Variants in CLUL1 observed in about 807,000 individuals in gnomAD.
The protein encoded by CLUL1 is clusterin-like protein 1.
In CLUL1, 43 loss-of-function variants were observed where a neutral mutation model predicts 49.4. The ratio of observed to expected loss-of-function variants is 0.87; its 90% CI spans 0.68 to 1.12. CLUL1 has a LOEUF of 1.12. Ranked by LOEUF, CLUL1 falls within the 50% of genes most tolerant of loss-of-function variation. The pLI is 0.00. For synonymous variants in CLUL1, 192 were observed against 184.9 expected (o/e 1.04, Z -0.31); for missense variants, 486 against 544.4 (o/e 0.89, Z 1.07).
chr18:608,839 T>A (rs2073053793), intron 2 of CLUL1, among the ~76,000 whole-genome samples: 1 of 152,232 alleles, frequency 6.6e-6, no homozygotes, highest in Non-Finnish European at 1.5e-5. Flanking sequence ...AGAGTTTTCA[T>A]AAGGCCTGTT....
At position 644,896 on chromosome 18, in the gene CLUL1, T is replaced by A. The variant is rs1382028378; in HGVS notation, c.1210-14T>A. On this transcript the variant is annotated splice_polypyrimidine_tract_variant and intron_variant, in intron 8 of 9. Coordinates refer to ENST00000692774, the MANE Select transcript of CLUL1 (RefSeq NM_001393344.1). ...GATTTAGTAAACTTCTACTGTATAA[T>A]CCTTCTTCTGTAGGTAGTTCCAAGG... is the stretch of plus-strand genomic sequence containing the variant. 1 of 1,593,332 alleles carries A rather than the reference T, an allele frequency of 6.3e-7. No individual in the cohort carries two copies. Among genetic ancestry groups the A allele is most frequent in the Admixed American group, 1.7e-5 (1 of 58,920 alleles).
Position 641,423 on chromosome 18 carries a change from C to T in CLUL1, c.1091C>T (p.Thr364Ile). ...CAGTATGGCCAGATTCTCCAGATGA[C>T]CCGGAAGCACTTGGAGGACACCGCC... ...NQQYGQILQMTRKHLEDTAYL... is the reference protein window; with the variant it reads ...NQQYGQILQMIRKHLEDTAYL... Residue 364 changes from threonine to isoleucine, a missense_variant, in exon 8 of 10, where the codon ACC (threonine) becomes ATC (isoleucine). Physicochemically the swap from Thr to Ile is moderately conservative, Grantham distance 89. Transcript: ENST00000692774. 2 of 1,614,148 alleles carry T rather than the reference C, an allele frequency of 1.2e-6. No homozygotes were observed. Among genetic ancestry groups the T allele is most frequent in the Non-Finnish European group, 1.7e-6 (2 of 1,180,006 alleles).
intron 1 of CLUL1, among the ~76,000 whole-genome samples, chr18:604,212 T>C (rs144823524): frequency 1.3e-5 from 2 of 152,366 alleles, no homozygotes; most frequent in African/African-American, 4.8e-5. Flanking sequence ...TTGAAGTTCA[T>C]CCAAGTTGTG....
intron 2 of CLUL1, among the ~76,000 whole-genome samples, chr18:617,614 A>AAG (rs1567960651): frequency 1.3e-5 from 2 of 151,254 alleles, no homozygotes; most frequent in Admixed American, 1.3e-4. Context: ...AAAAAAAAAA[A>AAG]AGAATTTTGG....
chr18:612,148 G>A (rs1230280900), intron 2 of CLUL1, among the ~76,000 whole-genome samples: 1 of 152,168 alleles, frequency 6.6e-6, no homozygotes, highest in Non-Finnish European at 1.5e-5. Context: ...CTTTCCCATA[G>A]TCCATTCTTC....
intron 1 of CLUL1, among the ~76,000 whole-genome samples, chr18:603,481 A>G (rs1055192817): frequency 6.6e-6 from 1 of 152,284 alleles, no homozygotes; most frequent in South Asian, 2.1e-4. Flanking sequence ...TTTTTGAAAT[A>G]ATGATAGATT....
Position 633,286 on chromosome 18 carries a change from T to G in CLUL1, c.857-12T>G. ...TTATGACACTAACGTGTAAATGTTA[T>G]GTTCCCTGTAGCTCCTGACCACGGA... On this transcript the variant is annotated splice_polypyrimidine_tract_variant and intron_variant, in intron 6 of 9. Coordinates refer to ENST00000692774, the MANE Select transcript of CLUL1 (RefSeq NM_001393344.1). 1 of 1,603,798 alleles carries G rather than the reference T, an allele frequency of 6.2e-7. No homozygotes were observed. The highest frequency in any genetic ancestry group is 8.5e-7 in the Non-Finnish European group (1 of 1,175,514).
chr18:643,130 A>G (rs2074387030), intron 8 of CLUL1, among the ~76,000 whole-genome samples: 1 of 152,036 alleles, frequency 6.6e-6, no homozygotes. Context: ...TAAAAACCAT[A>G]CAAAAAATAG....
At position 630,719 on chromosome 18, in the gene CLUL1, G is replaced by A. The variant is rs555245438; in HGVS notation, c.857-2579G>A. ...TTTTTTTTTTTTGAGACAGAGTCTCGCTCTGTCTTCAGGCTGGAGTGCAGT... is the reference window on the plus strand; with the variant it reads ...TTTTTTTTTTTTGAGACAGAGTCTCACTCTGTCTTCAGGCTGGAGTGCAGT... On this transcript the variant is annotated intron_variant, in intron 6 of 9. Coordinates refer to ENST00000692774, the MANE Select transcript of CLUL1 (RefSeq NM_001393344.1). Among the ~76,000 whole-genome samples the A allele has an allele frequency of 4.6e-4, 49 of 105,782 alleles. 1 individual carries two copies. The highest frequency in any genetic ancestry group is 0.026 in the Middle Eastern group (2 of 78). The allele number at this position is 105,782 out of a possible 152,430, so 69.4% of individuals were successfully genotyped here.
At position 619,366 on chromosome 18, in the gene CLUL1, A is replaced by G; in HGVS notation, c.255+5A>G. 1 of 1,609,258 alleles carries G rather than the reference A, an allele frequency of 6.2e-7. No individual in the cohort carries two copies. Among genetic ancestry groups the G allele is most frequent in the Non-Finnish European group, 8.5e-7 (1 of 1,178,308 alleles). On this transcript the variant is annotated splice_donor_5th_base_variant and intron_variant, in intron 4 of 9. Transcript: ENST00000692774. ...AAATGCAGAGAAGAAAAGCAGGTAC[A>G]GTCATTGAAAATAATGTCTGTTCTT...
Position 648,725 on chromosome 18 carries a change from C to T in CLUL1, c.1398-1173C>T, listed in dbSNP as rs1333577357. On this transcript the variant is annotated intron_variant, in intron 9 of 9. Transcript: ENST00000692774. ...AGGCAGGATTGCAGTGGCATGATCTCGGCTCACGGCAACCTCCACCTCCCA... is the reference window on the plus strand; with the variant it reads ...AGGCAGGATTGCAGTGGCATGATCTTGGCTCACGGCAACCTCCACCTCCCA... Among the ~76,000 whole-genome samples the T allele has an allele frequency of 3.9e-5, 6 of 152,260 alleles. No homozygotes were observed. In the East Asian group the frequency reaches 5.8e-4, roughly 15 times the overall value.
chr18:597,178 CAT>C (rs764920820), intron 1 of CLUL1, 49 bp downstream of exon 1: 1 of 153,058 alleles, frequency 6.5e-6, no homozygotes, highest in Non-Finnish European at 1.5e-5. Flanking sequence ...CGCTCTTGCC[CAT>C]TTCTCCGGAG....
At position 619,955 on chromosome 18, in the gene CLUL1, C is replaced by A. The variant is rs138312938; in HGVS notation, c.255+594C>A. 4.6e-3 allele frequency among the ~76,000 whole-genome samples: 702 copies of A among 152,256 alleles called. 9 individuals are homozygous for A. Among genetic ancestry groups the A allele is most frequent in the African/African-American group, 0.016 (671 of 41,546 alleles). On this transcript the variant is annotated intron_variant, in intron 4 of 9. Transcript: ENST00000692774. ...GAACTCTGGGGCTCAAGTGATCCAC[C>A]TGCCTCAGCCTCCCAAAGTGCTGGA...
At chr18:625,703 A>G (rs1245326315) in intron 5 of CLUL1, among the ~76,000 whole-genome samples, 1 of 152,132 alleles carries the variant, frequency 6.6e-6, no homozygotes, top group Non-Finnish European at 1.5e-5. Context: ...AACGGCTCCA[A>G]TTAAGCTAGA....
intron 7 of CLUL1, among the ~76,000 whole-genome samples, chr18:635,637 G>A (rs77986253): frequency 0.11 from 16,596 of 151,924 alleles, 1,145 homozygotes; most frequent in African/African-American, 0.19. Flanking sequence ...TTATATCAAC[G>A]CAAAGAACAA....
In CLUL1 at chr18:641,341, C is replaced by A; in HGVS notation, c.1009C>A (p.Pro337Thr). Residue 337 changes from proline (P) to threonine (T), a missense_variant, in exon 8 of 10, where the codon CCT (proline) becomes ACT (threonine). Coordinates refer to ENST00000692774, the MANE Select transcript of CLUL1 (RefSeq NM_001393344.1). ...AHLSEDCPDV[P>T]ALHTELDEAI... ...TTCTCTGCTAGACTGTCCTGATGTA[C>A]CTGCTCTGCACACAGAATTAGACGA... The A allele has an allele frequency of 6.2e-7, 1 of 1,614,124 alleles. No individual in the cohort carries two copies. The highest frequency in any genetic ancestry group is 8.5e-7 in the Non-Finnish European group (1 of 1,180,024).
intron 1 of CLUL1, among the ~76,000 whole-genome samples, chr18:601,734 A>C (rs1669581135): frequency 6.6e-6 from 1 of 151,700 alleles, no homozygotes; most frequent in African/African-American, 2.4e-5. Flanking sequence ...GCTTGAACCC[A>C]GGAGACGGAG....
intron 2 of CLUL1, among the ~76,000 whole-genome samples, chr18:608,403 G>T (rs2073041196): frequency 6.6e-6 from 1 of 152,166 alleles, no homozygotes; most frequent in Non-Finnish European, 1.5e-5. Flanking sequence ...GGTGATCAGG[G>T]AGGTGTTTGT....
At chr18:607,748 G>A (rs2073019921) in intron 2 of CLUL1, among the ~76,000 whole-genome samples, 1 of 151,974 alleles carries the variant, frequency 6.6e-6, no homozygotes, top group Non-Finnish European at 1.5e-5. Context: ...ATTTTCAAGA[G>A]ATTGGGGTCT....
Sources: allele counts gnomAD v4.1 joint callset (sites outside exome capture counted in the v4.1 genomes callset), GRCh38; gene constraint gnomAD v4.1.1; transcripts MANE v1.5; gene names NCBI Gene and HGNC (gene_info 2026-07-23, HGNC 2026-07-21).